BBS2: variants seen among roughly 807,000 people sequenced by gnomAD.
The protein encoded by BBS2 is Bardet-Biedl syndrome 2, also known as BBSome complex member BBS2.
In BBS2, 62 loss-of-function variants were observed where a neutral mutation model predicts 83.0. The ratio of observed to expected loss-of-function variants is 0.75; its 90% confidence interval spans 0.61 to 0.92. BBS2 has a LOEUF of 0.92. Among genes scored for constraint, BBS2 ranks in the 40% least tolerant of loss-of-function variants. The probability of loss-of-function intolerance (pLI) is 0.00; values close to 1 mark genes in which losing one functional copy is unlikely to be tolerated. For missense variants in BBS2, 784 were observed against 901.0 expected (o/e 0.87, Z 1.66); for synonymous variants, 303 against 326.1 (o/e 0.93, Z 0.76).
Position 56,496,651 on chromosome 16 carries a change from G to A in BBS2, c.1910+316C>T, listed in dbSNP as rs766739561. Among the ~76,000 whole-genome samples, 35 of 152,088 alleles carry A rather than the reference G, an allele frequency of 2.3e-4. 1 individual carries two copies. Among genetic ancestry groups the A allele is most frequent in the Non-Finnish European group, 3.5e-4 (24 of 68,032 alleles). ...AATATATCACAATTCATCCACTGTC[G>A]CTACACTGTTCATGCTAATTTGGAT... On this transcript the variant is annotated intron_variant, in intron 15 of 16. Transcript: ENST00000245157.
chr16:56,515,422 C>T (rs1463606301), intron 1 of BBS2, among the ~76,000 whole-genome samples: 5 of 152,026 alleles, frequency 3.3e-5, no homozygotes, highest in Non-Finnish European at 5.9e-5. Flanking sequence ...ATCGTGTAGC[C>T]CTTCGCAGGA....
At chr16:56,475,091 A>AT in intron 17 of BBS2, 2 of 846,744 alleles carry the variant, frequency 2.4e-6, no homozygotes, top group South Asian at 3.6e-5. Context: ...AGTCAAAGGG[A>AT]TTTTACGGGT....
intron 15 of BBS2, among the ~76,000 whole-genome samples, chr16:56,491,323 G>A (rs776202880): frequency 5.3e-4 from 80 of 152,164 alleles, no homozygotes; most frequent in Non-Finnish European, 9.8e-4. Flanking sequence ...TCTCTCAGGA[G>A]TGAGTTCTCG....
chr16:56,485,892 G>A (rs1194752184), intron 15 of BBS2, among the ~76,000 whole-genome samples, 154 bp from the exon 16 acceptor site: 3 of 152,032 alleles, frequency 2.0e-5, no homozygotes, highest in Admixed American at 6.6e-5. Context: ...TTGAAAATAC[G>A]GATAAGTTCC....
chr16:56,498,559 A>G lies in BBS2; in HGVS notation c.1537T>C (p.Trp513Arg). 6.2e-7 allele frequency: 1 copy of G among 1,614,108 alleles called. No individual in the cohort carries two copies. Among genetic ancestry groups the G allele is most frequent in the Non-Finnish European group, 8.5e-7 (1 of 1,180,014 alleles). ...IAERAQRVVV[W>R]LGQNFLLPED... is the part of the protein sequence containing the mutation. ...GGTAACAGAAAGTTCTGACCGAGCC[A>G]TACAACAACCTTGAAAATGAACACA... The change falls in exon 13 of 17, where the codon TGG becomes CGG. Residue 513 changes from tryptophan to arginine, a missense_variant. By Grantham distance (101) the Trp-to-Arg change is moderately radical. Transcript: ENST00000245157.
chr16:56,480,352 C>CAAAAAAAAAAAAAAAAA (rs1286219655), downstream of BBS2, among the ~76,000 whole-genome samples: 61 of 76,504 alleles, frequency 8.0e-4, 3 homozygotes, highest in African/African-American at 1.5e-3. Context: ...CACACACACA[C>CAAAAAAAAAAAAAAAAA]AAAAAAAAAA....
Position 56,505,971 on chromosome 16 carries a change from T to G in BBS2, c.783A>C (p.Ile261=), listed in dbSNP as rs183982328. Residue 261 remains isoleucine, a synonymous_variant, in exon 7 of 17, where the codon ATA becomes ATC. Transcript: ENST00000245157. ...TTACCTTCCCATTGGACCAACCAGT[T>G]ATCAGTTCATTCACTCCATCAGAAT... ...DLNSDGVNEL[I]TGWSNGKVDA... 83 of 1,613,964 alleles carry G rather than the reference T, an allele frequency of 5.1e-5. No homozygotes were observed. In the East Asian group the frequency reaches 1.8e-3, roughly 36 times the overall value.
intron 1 of BBS2, among the ~76,000 whole-genome samples, chr16:56,519,017 C>A (rs1444321579): frequency 2.6e-5 from 4 of 152,094 alleles, no homozygotes; most frequent in Admixed American, 2.0e-4. Flanking sequence ...GTATTGCATT[C>A]TTTTGTCGTT....
chr16:56,475,514 G>A, intron 17 of BBS2: 3 of 1,614,024 alleles, frequency 1.9e-6, no homozygotes, highest in Non-Finnish European at 2.5e-6. Flanking sequence ...AAGGCTGGGA[G>A]CCAGAATATG....
In BBS2 at chr16:56,494,963, A is replaced by G. The variant is rs1334710942; in HGVS notation, c.1910+2004T>C. Among the ~76,000 whole-genome samples the G allele has an allele frequency of 2.4e-4, 31 of 130,008 alleles. No individual in the cohort carries two copies. The East Asian group carries it at 2.6e-3, about 11-fold the overall frequency. The allele number at this position is 130,008 out of a possible 152,430, so 85.3% of individuals were successfully genotyped here. On this transcript the variant is annotated intron_variant, in intron 15 of 16. Transcript: ENST00000245157. Reference sequence around the variant, plus strand: ...GGCGACAGAGCGAGACTCCGTCTCGAAAAAAAAAAAAAAAACTAGCCATAA... The same window carrying G: ...GGCGACAGAGCGAGACTCCGTCTCGGAAAAAAAAAAAAAAACTAGCCATAA...
chr16:56,506,344 G>A (rs778755459), intron 5 of BBS2, 120 bp from the exon 6 acceptor site: 20 of 775,504 alleles, frequency 2.6e-5, no homozygotes, highest in African/African-American at 3.4e-5. Flanking sequence ...ATTTAAAAGC[G>A]CTTCCAATCC....
downstream of BBS2, among the ~76,000 whole-genome samples, chr16:56,482,278 G>T (rs1470832378): frequency 5.3e-5 from 8 of 152,156 alleles, no homozygotes. Flanking sequence ...TCACTAGACA[G>T]GTCACACAGG....
chr16:56,512,388 A>G (rs1169599699), intron 2 of BBS2, among the ~76,000 whole-genome samples: 1 of 152,252 alleles, frequency 6.6e-6, no homozygotes, highest in African/African-American at 2.4e-5. Flanking sequence ...TCTTATATAA[A>G]AAAGTCTTAT....
intron 12 of BBS2, 139 bp from the exon 13 acceptor site, chr16:56,498,707 A>G (rs752633183): frequency 7.2e-5 from 52 of 723,012 alleles, no homozygotes; most frequent in African/African-American, 2.5e-4. Flanking sequence ...CTTTGTTGAG[A>G]AAAAAAAAAA....
chr16:56,497,514 C>T, intron 14 of BBS2: 1 of 581,514 alleles, frequency 1.7e-6, no homozygotes, highest in South Asian at 2.1e-5. Context: ...TTAAATGCAT[C>T]ACTTTAAACC....
Position 56,512,925 on chromosome 16 carries a change from G to T in BBS2, c.345+1528C>A, listed in dbSNP as rs574070606. On this transcript the variant is annotated intron_variant, in intron 2 of 16. Transcript: ENST00000245157. ...TACAACACTTTGGGAAGCTGAGGCA[G>T]GAAGACTGCTTTAGCCCAGGAGTTT... 4.6e-5 allele frequency among the ~76,000 whole-genome samples: 7 copies of T among 152,320 alleles called. No individual in the cohort carries two copies. In the South Asian group the frequency reaches 1.4e-3, roughly 32 times the overall value.
chr16:56,480,356 A>AAAAAAAAAAAAAC (rs1338991655), downstream of BBS2, among the ~76,000 whole-genome samples: 17 of 100,848 alleles, frequency 1.7e-4, no homozygotes, highest in African/African-American at 4.6e-4. Context: ...CACACACAAA[A>AAAAAAAAAAAAAC]AAAAAAAAAC....
intron 15 of BBS2, among the ~76,000 whole-genome samples, chr16:56,496,042 T>C (rs1053565735): frequency 5.3e-5 from 8 of 152,138 alleles, no homozygotes; most frequent in African/African-American, 1.7e-4. Context: ...ACAATTATTT[T>C]AAAAACCATT....
chr16:56,501,969 G>A (rs1454780716), intron 9 of BBS2: 16 of 388,796 alleles, frequency 4.1e-5, no homozygotes, highest in African/African-American at 1.2e-4. Flanking sequence ...TAAGACGACA[G>A]ATATCCTTCC....
Sources: gnomAD v4.1 joint callset for allele counts (sites outside exome capture counted in the v4.1 genomes callset) on GRCh38, gnomAD v4.1.1 for gene constraint, MANE v1.5 for transcripts, NCBI Gene and HGNC (gene_info 2026-07-23, HGNC 2026-07-21) for gene names.